PIAS4: variants seen among roughly 807,000 people sequenced by gnomAD.
The protein encoded by PIAS4 is protein inhibitor of activated STAT 4, also known as E3 SUMO-protein ligase PIAS4.
PIAS4 carries 7 observed loss-of-function variants against 58.0 expected under a neutral mutation model. That is an observed-to-expected ratio of 0.12 (90% CI 0.07 to 0.23). The LOEUF is 0.23. Ranked by LOEUF, PIAS4 falls within the 10% of genes least tolerant of loss-of-function variation. PIAS4 has a pLI of 1.00. For missense variants in PIAS4, 550 were observed against 709.5 expected (o/e 0.78, Z 2.55); for synonymous variants, 364 against 312.4 (o/e 1.17, Z -1.74).
intron 2 of PIAS4, 70 bp from the exon 3 acceptor site, chr19:4,023,966 G>A: frequency 2.9e-6 from 3 of 1,047,772 alleles, no homozygotes; most frequent in Non-Finnish European, 4.5e-6. Context: ...GGCGCAGGCT[G>A]GGAAAAGCGA....
Position 4,037,776 on chromosome 19 carries a change from T to G in PIAS4, c.1434T>G (p.Asp478Glu), listed in dbSNP as rs2040316488. Residue 478 changes from aspartate (D) to glutamate (E), a missense_variant, in exon 11 of 11, where the codon GAT (aspartate) becomes GAG (glutamate). Around this residue, in one of 4 missense-constraint regions of PIAS4, gnomAD observed 188 missense variants for 192.0 expected, o/e 0.98. Transcript: ENST00000262971. The surrounding 1 kb of genome is among the most constrained non-coding windows in gnomAD (Gnocchi z 5.8). ...LTLDSSSSSE[D>E]EEEEEEEEED... ...TGGACAGCTCATCGTCCTCGGAGGA[T>G]GAGGAGGAGGAGGAAGAGGAGGAGG... 1.9e-6 allele frequency: 3 copies of G among 1,602,898 alleles called. No homozygotes were observed. Among genetic ancestry groups the G allele is most frequent in the East Asian group, 2.2e-5 (1 of 44,526 alleles).
In PIAS4 at chr19:4,028,150, C is replaced by G. The variant is rs1260314525; in HGVS notation, c.544C>G (p.Leu182Val). Residue 182 changes from leucine (L) to valine (V), a missense_variant, in exon 4 of 11, where the codon CTG becomes GTG. Physicochemically the swap from Leu to Val is conservative, Grantham distance 32. This residue lies in a region of PIAS4 where 225 missense variants were observed against 345.8 expected (regional missense o/e 0.65). Transcript: ENST00000262971. ...QVELIRNSRE[L>V]QPGVKAVQVV... ...TGGTTTGCTCCACACCCACAGGGAA[C>G]TGCAGCCCGGAGTTAAAGCCGTGCA... 1 of 1,613,602 alleles carries G rather than the reference C, an allele frequency of 6.2e-7. No homozygotes were observed. The highest frequency in any genetic ancestry group is 8.5e-7 in the Non-Finnish European group (1 of 1,179,952).
chr19:4,028,639 G>C (rs746757730), intron 5 of PIAS4, 39 bp downstream of exon 5: 1 of 1,608,442 alleles, frequency 6.2e-7, no homozygotes, highest in South Asian at 1.1e-5. Context: ...GCACGGGTTT[G>C]GGGGGCGTGG....
At chr19:4,024,705 C>T (rs929933455) in intron 3 of PIAS4, among the ~76,000 whole-genome samples, 3 of 152,100 alleles carry the variant, frequency 2.0e-5, no homozygotes, top group Non-Finnish European at 2.9e-5. Flanking sequence ...CACCGCCCGC[C>T]TTAGGAATTT....
At chr19:4,015,847 C>T (rs538922801) in intron 2 of PIAS4, among the ~76,000 whole-genome samples, 1 of 152,338 alleles carries the variant, frequency 6.6e-6, no homozygotes, top group South Asian at 2.1e-4. Flanking sequence ...GGATGGAGAC[C>T]GCGCCAGGCG....
chr19:4,021,812 C>G (rs937184071), intron 2 of PIAS4, among the ~76,000 whole-genome samples: 8 of 136,926 alleles, frequency 5.8e-5, no homozygotes, highest in African/African-American at 2.2e-4. Context: ...GTGGTACGAT[C>G]ATGGCTCACT....
chr19:4,034,683 C>T (rs2040257845), intron 9 of PIAS4, among the ~76,000 whole-genome samples: 1 of 152,230 alleles, frequency 6.6e-6, no homozygotes, highest in African/African-American at 2.4e-5. Context: ...CCCCACAGGC[C>T]CGGAGTGGGG....
intron 1 of PIAS4, among the ~76,000 whole-genome samples, chr19:4,010,294 A>C (rs2039980265): frequency 6.6e-6 from 1 of 152,094 alleles, no homozygotes; most frequent in African/African-American, 2.4e-5. Flanking sequence ...GTGCTCCGGG[A>C]AGCGGGAGCT....
At position 4,037,621 on chromosome 19, in the gene PIAS4, T is replaced by C. The variant is rs758992349; in HGVS notation, c.1279T>C (p.Ser427Pro). 7 of 1,610,332 alleles carry C rather than the reference T, an allele frequency of 4.3e-6. No homozygotes were observed. The South Asian group carries it at 5.5e-5, about 13-fold the overall frequency. ...PQGAILVLGPSDANGLLPAPS... is the reference protein window; with the variant it reads ...PQGAILVLGPPDANGLLPAPS... ...CCTGTCCCTGTTGCCCGTAGGCCCC[T>C]CGGACGCCAATGGGCTCCTGCCCGC... is the stretch of plus-strand genomic sequence containing the variant. The change falls in exon 11 of 11, where the codon TCG (serine) becomes CCG (proline). Residue 427 changes from serine (S) to proline (P), a missense_variant. This residue lies in a region of PIAS4 where 188 missense variants were observed against 192.0 expected (regional missense o/e 0.98). Coordinates refer to ENST00000262971, the MANE Select transcript of PIAS4 (RefSeq NM_015897.4). This position sits in a 1 kb window ranked among gnomAD's most constrained non-coding sequence, Gnocchi z 5.8.
chr19:4,030,724 G>C (rs979231261), intron 7 of PIAS4, among the ~76,000 whole-genome samples: 10 of 152,194 alleles, frequency 6.6e-5, no homozygotes, highest in African/African-American at 1.9e-4. Flanking sequence ...CCTGGCGGCT[G>C]TGTGGCCTCA....
In PIAS4 at chr19:4,036,281, C is replaced by T. The variant is rs541655230; in HGVS notation, c.1143-1093C>T. On this transcript the variant is annotated intron_variant, in intron 9 of 10. Transcript: ENST00000262971. The stretch of plus-strand genomic sequence containing the variant: ...CATGCACACACATCTATATGGTCTA[C>T]ACCGTCACACACACACACATCTATA... 5.1e-5 allele frequency among the ~76,000 whole-genome samples: 4 copies of T among 78,488 alleles called. 2 individuals carry two copies. The highest frequency in any genetic ancestry group is 1.5e-4 in the Non-Finnish European group (4 of 26,930). The allele number at this position is 78,488 out of a possible 152,430, so 51.5% of individuals were successfully genotyped here.
chr19:4,035,922 ACCTGCACAC>A (rs199867656), intron 9 of PIAS4, among the ~76,000 whole-genome samples: 1 of 7,406 alleles, frequency 1.4e-4, no homozygotes. Context: ...TCACACACAC[ACCTGCACAC>A]ATCCATACAG....
At chr19:4,010,222 G>T (rs975578239) in intron 1 of PIAS4, among the ~76,000 whole-genome samples, 3 of 152,204 alleles carry the variant, frequency 2.0e-5, no homozygotes, top group East Asian at 1.9e-4. Context: ...TCAAGGGCAG[G>T]CTCCTCCGAG....
At position 4,032,109 on chromosome 19, in the gene PIAS4, G is replaced by A. The variant is rs564407043; in HGVS notation, c.908-991G>A. The stretch of plus-strand genomic sequence containing the variant: ...GGTCTGGGTGGGGGTCAGGAAGGAG[G>A]AAGTGGCTCCCAAGCGGGCAGAGAT... On this transcript the variant is annotated intron_variant, in intron 7 of 10. Transcript: ENST00000262971. Among the ~76,000 whole-genome samples, 11 of 152,300 alleles carry A rather than the reference G, an allele frequency of 7.2e-5. No individual in the cohort carries two copies. In the East Asian group the frequency reaches 1.9e-3, roughly 27 times the overall value.
intron 9 of PIAS4, among the ~76,000 whole-genome samples, chr19:4,035,499 T>C (rs1286462116): frequency 6.6e-6 from 1 of 152,102 alleles, no homozygotes; most frequent in Non-Finnish European, 1.5e-5. Flanking sequence ...ATTTGTAAAA[T>C]GGGGCTGGTA....
chr19:4,019,711 G>A (rs1568214687), intron 2 of PIAS4, among the ~76,000 whole-genome samples: 1 of 152,122 alleles, frequency 6.6e-6, no homozygotes, highest in Admixed American at 6.5e-5. Context: ...GGGCCCAGCC[G>A]GGACTCCACA....
At chr19:4,033,935 G>A (rs899996857) in intron 9 of PIAS4, among the ~76,000 whole-genome samples, 5 of 152,180 alleles carry the variant, frequency 3.3e-5, no homozygotes, top group African/African-American at 7.2e-5. Flanking sequence ...ACCCCAGGAC[G>A]CGCAGCCTTG....
At chr19:4,009,238 G>A (rs2039970810) in intron 1 of PIAS4, among the ~76,000 whole-genome samples, 1 of 151,952 alleles carries the variant, frequency 6.6e-6, no homozygotes, top group South Asian at 2.1e-4. Flanking sequence ...TGAAAACACA[G>A]CACTCAGGGC....
intron 7 of PIAS4, among the ~76,000 whole-genome samples, chr19:4,032,005 G>T (rs922372821): frequency 2.0e-5 from 3 of 152,172 alleles, no homozygotes; most frequent in Admixed American, 1.3e-4. Flanking sequence ...AAGCAGGGGA[G>T]CTGCTGGGAG....
Sources: allele counts gnomAD v4.1 joint callset (sites outside exome capture counted in the v4.1 genomes callset), GRCh38; gene constraint gnomAD v4.1.1; regional missense constraint gnomAD v4.1.1; non-coding constraint Gnocchi (gnomAD v3.1); transcripts MANE v1.5; gene names NCBI Gene and HGNC (gene_info 2026-07-23, HGNC 2026-07-21).